The following SLC28A3 variants were observed in gnomAD, a reference collection of about 807,000 sequenced individuals.
SLC28A3 encodes solute carrier family 28 member 3, also known as concentrative Na(+)-nucleoside cotransporter 3.
SLC28A3 carries 68 observed loss-of-function variants against 84.2 expected under a neutral mutation model. The observed-to-expected ratio is 0.81, with a 90% CI of 0.66 to 0.99. The LOEUF (loss-of-function observed/expected upper bound fraction) is 0.99, where lower values mean the gene tolerates loss of function less well. Among genes scored for constraint, SLC28A3 ranks in the 50% least tolerant of loss-of-function variants. The pLI is 0.00. For synonymous variants in SLC28A3, 267 were observed against 303.6 expected, an observed-to-expected ratio of 0.88 and a Z score of 1.25; for missense variants, 712 against 841.5, an observed-to-expected ratio of 0.85 and a Z score of 1.90.
At chr9:84,337,009 C>T in intron 1 of SLC28A3, among the ~76,000 whole-genome samples, 1 of 152,128 alleles carries the variant, frequency 6.6e-6, no homozygotes, top group East Asian at 1.9e-4. Flanking sequence ...GCACTTGGTG[C>T]TGGCTGGGTG....
intron 12 of SLC28A3, 53 bp downstream of exon 12, chr9:84,287,995 G>A: frequency 1.2e-6 from 2 of 1,609,882 alleles, no homozygotes; most frequent in Non-Finnish European, 8.5e-7. Flanking sequence ...GACTCCTGGA[G>A]TCCCCCGCCC....
At chr9:84,321,322 G>A (rs1419168360) in intron 1 of SLC28A3, among the ~76,000 whole-genome samples, 1 of 152,130 alleles carries the variant, frequency 6.6e-6, no homozygotes, top group African/African-American at 2.4e-5. Flanking sequence ...CTTTCAGACT[G>A]CAAGGTGATT....
rs1824975565 is a variant in SLC28A3 at position 84,286,124 on chromosome 9, A to G, written c.1281-13T>C. ...ATTCCCTGAATCACTTTATCAAGAA[A>G]TAGCAATTCCAGAATTACCAAGGAG... On this transcript the variant is annotated splice_polypyrimidine_tract_variant and intron_variant, in intron 12 of 17. Transcript: ENST00000376238. 6.2e-7 allele frequency: 1 copy of G among 1,611,956 alleles called. No homozygotes were observed. The highest frequency in any genetic ancestry group is 1.3e-5 in the African/African-American group (1 of 74,908).
intron 1 of SLC28A3, among the ~76,000 whole-genome samples, chr9:84,315,951 G>A (rs756059057): frequency 1.2e-4 from 18 of 152,210 alleles, no homozygotes; most frequent in Non-Finnish European, 4.4e-5. Context: ...GTGTAAGAAA[G>A]GTGAGGGAAT....
At chr9:84,333,145 G>A (rs916425839) in intron 1 of SLC28A3, among the ~76,000 whole-genome samples, 1 of 152,138 alleles carries the variant, frequency 6.6e-6, no homozygotes, top group African/African-American at 2.4e-5. Context: ...GGGGGCAAAG[G>A]AAAAATGTGG....
At chr9:84,358,331 A>G in the SLC28A3 span, among the ~76,000 whole-genome samples, 1 of 152,170 alleles carries the variant, frequency 6.6e-6, no homozygotes, top group South Asian at 2.1e-4. Flanking sequence ...AACAGCATGC[A>G]GTTTATACAG....
Position 84,331,940 on chromosome 9 carries a change from G to A in SLC28A3, c.60+8634C>T, listed in dbSNP as rs558453500. 1.3e-4 allele frequency among the ~76,000 whole-genome samples: 20 copies of A among 152,208 alleles called. No homozygotes were observed. In the East Asian group the frequency reaches 3.9e-3, roughly 29 times the overall value. ...TATGGACACGTGGCAAAATATCTGT[G>A]GAGTGGGGAAAAGGTTCTTTTTTAA... On this transcript the variant is annotated intron_variant, in intron 1 of 17. Coordinates refer to ENST00000376238, the MANE Select transcript of SLC28A3 (RefSeq NM_001199633.2).
At chr9:84,294,173 C>T in intron 9 of SLC28A3, 22 bp downstream of exon 9, 2 of 1,612,870 alleles carry the variant, frequency 1.2e-6, no homozygotes, top group African/African-American at 1.3e-5. Flanking sequence ...ACCTATAACC[C>T]AGTCCCTCCC....
chr9:84,320,863 G>A (rs1826351165), intron 1 of SLC28A3, among the ~76,000 whole-genome samples: 2 of 151,892 alleles, frequency 1.3e-5, no homozygotes, highest in South Asian at 4.2e-4. Flanking sequence ...GGTGGTGGGA[G>A]GCTGAGGCAG....
At position 84,292,762 on chromosome 9, in the gene SLC28A3, A is replaced by G; in HGVS notation, c.943-14T>C. On this transcript the variant is annotated splice_polypyrimidine_tract_variant and intron_variant, in intron 9 of 17. Transcript: ENST00000376238. Reference sequence around the variant, plus strand: ...GATCCATCCAACCTAAAAGGAAGAAAGGGACAAAGTCAGCAAAGAACTTTT... The same window carrying G: ...GATCCATCCAACCTAAAAGGAAGAAGGGGACAAAGTCAGCAAAGAACTTTT... The G allele has an allele frequency of 2.6e-6, 4 of 1,538,736 alleles. No homozygotes were observed. Among genetic ancestry groups the G allele is most frequent in the Non-Finnish European group, 3.5e-6 (4 of 1,147,732 alleles).
At chr9:84,291,145 C>T (rs992278576) in intron 10 of SLC28A3, among the ~76,000 whole-genome samples, 1 of 152,128 alleles carries the variant, frequency 6.6e-6, no homozygotes, top group South Asian at 2.1e-4. Flanking sequence ...TGTGGAGCCT[C>T]GATTTACCGA....
chr9:84,339,776 C>G (rs7031310), intron 1 of SLC28A3, among the ~76,000 whole-genome samples: 88,151 of 152,036 alleles, frequency 0.58, 25,949 homozygotes, highest in Middle Eastern at 0.67. Context: ...TGGGAAGTTA[C>G]AGGAATTTGT....
the SLC28A3 span, among the ~76,000 whole-genome samples, chr9:84,366,085 C>T: frequency 2.0e-5 from 3 of 151,832 alleles, no homozygotes; most frequent in African/African-American, 4.8e-5. Flanking sequence ...TGGGTGCATT[C>T]GGGGTGGTAT....
chr9:84,317,644 T>C (rs11140517), intron 1 of SLC28A3, among the ~76,000 whole-genome samples: 16,426 of 152,148 alleles, frequency 0.11, 2,905 homozygotes, highest in African/African-American at 0.37. Flanking sequence ...TTCTTCACTA[T>C]AGAATTTGCT....
chr9:84,309,523 C>CAAAAAAAAAAAAAA (rs71366931), intron 3 of SLC28A3, 106 bp downstream of exon 3: 10 of 239,282 alleles, frequency 4.2e-5, no homozygotes, highest in African/African-American at 3.8e-4. Context: ...ACTCTTATCT[C>CAAAAAAAAAAAAAA]AAAAAAAAAA....
chr9:84,338,097 A>G (rs1471783074), intron 1 of SLC28A3, among the ~76,000 whole-genome samples: 1 of 152,254 alleles, frequency 6.6e-6, no homozygotes, highest in East Asian at 1.9e-4. Context: ...GGGAACCCAT[A>G]TCAGCATTTC....
intron 1 of SLC28A3, among the ~76,000 whole-genome samples, chr9:84,319,698 T>A (rs1236821218): frequency 6.6e-6 from 1 of 152,168 alleles, no homozygotes; most frequent in East Asian, 1.9e-4. Flanking sequence ...TTACTGTTCC[T>A]TGCCTTTTTC....
At chr9:84,366,683 C>A in the SLC28A3 span, among the ~76,000 whole-genome samples, 1 of 152,164 alleles carries the variant, frequency 6.6e-6, no homozygotes, top group Non-Finnish European at 1.5e-5. Flanking sequence ...TAGGAGAATT[C>A]TTTGAATTAC....
chr9:84,280,320 G>GA (rs1824697387), intron 15 of SLC28A3, among the ~76,000 whole-genome samples: 1 of 152,150 alleles, frequency 6.6e-6, no homozygotes, highest in African/African-American at 2.4e-5. Flanking sequence ...CTCCACAGAA[G>GA]AAAAACCTCC....
Sources: allele counts gnomAD v4.1 joint callset (sites outside exome capture counted in the v4.1 genomes callset), GRCh38; gene constraint gnomAD v4.1.1; transcripts MANE v1.5; gene names NCBI Gene and HGNC (gene_info 2026-07-23, HGNC 2026-07-21).